Variants in SHISA9 observed in about 807,000 individuals in gnomAD.
SHISA9 encodes protein shisa-9.
A neutral mutation model predicts 38.0 loss-of-function variants in SHISA9; 13 were observed. The observed-to-expected ratio is 0.34, with a 90% CI of 0.22 to 0.54. The LOEUF is 0.54. Ranked by LOEUF, SHISA9 falls within the 20% of genes least tolerant of loss-of-function variation. SHISA9 has a pLI of 0.91. For missense variants in SHISA9, 538 were observed against 575.8 expected (o/e 0.93, Z 0.67); for synonymous variants, 275 against 242.0 (o/e 1.14, Z -1.27).
the SHISA9 span, among the ~76,000 whole-genome samples, chr16:13,367,712 G>GCGCACACACACACACACACA: frequency 3.8e-5 from 4 of 104,640 alleles, no homozygotes; most frequent in South Asian, 4.0e-4. Flanking sequence ...GCGCGCGCGC[G>GCGCACACACACACACACACA]CACACACACA....
In SHISA9 at chr16:13,008,510, C is replaced by G. The variant is rs558800781; in HGVS notation, c.691+91695C>G. On this transcript the variant is annotated intron_variant, in intron 2 of 4. Coordinates refer to ENST00000558583, the MANE Select transcript of SHISA9 (RefSeq NM_001145204.3). ...GGGACCTGGTAGGAGGTGATTGGAT[C>G]ATGGGGACATTTTCCCCCATGCTGT... is the stretch of plus-strand genomic sequence containing the variant. 2.0e-5 allele frequency among the ~76,000 whole-genome samples: 3 copies of G among 152,268 alleles called. No individual in the cohort carries two copies. In the South Asian group the frequency reaches 6.2e-4, roughly 32 times the overall value.
the SHISA9 span, among the ~76,000 whole-genome samples, chr16:13,425,632 C>T: frequency 2.0e-5 from 3 of 152,198 alleles, no homozygotes; most frequent in Admixed American, 6.5e-5. Flanking sequence ...ATGCAATACA[C>T]TCGTGAAACA....
the SHISA9 span, among the ~76,000 whole-genome samples, chr16:13,434,073 C>A: frequency 1.3e-5 from 2 of 152,208 alleles, no homozygotes; most frequent in African/African-American, 4.8e-5. Context: ...ACAGTGCAGC[C>A]TTCAGTCTGT....
At chr16:13,194,300 C>A (rs1440776467) in intron 2 of SHISA9, among the ~76,000 whole-genome samples, 1 of 152,202 alleles carries the variant, frequency 6.6e-6, no homozygotes, top group Non-Finnish European at 1.5e-5. Context: ...TGTCTGGCTG[C>A]CAAATCATTT....
the SHISA9 span, among the ~76,000 whole-genome samples, chr16:13,478,205 T>A: frequency 6.6e-6 from 1 of 152,142 alleles, no homozygotes; most frequent in African/African-American, 2.4e-5. Flanking sequence ...TCAAAACACA[T>A]AAAAGAGATC....
the SHISA9 span, among the ~76,000 whole-genome samples, chr16:13,492,235 C>T: frequency 1.9e-4 from 29 of 152,140 alleles, no homozygotes; most frequent in African/African-American, 6.5e-4. Flanking sequence ...ATTCTGTGGG[C>T]GAGCACTGGG....
At chr16:12,956,014 A>G (rs1446080126) in intron 2 of SHISA9, among the ~76,000 whole-genome samples, 1 of 152,236 alleles carries the variant, frequency 6.6e-6, no homozygotes, top group African/African-American at 2.4e-5. Context: ...TGCCTCCGAC[A>G]AAAGAGTAAT....
At chr16:12,916,218 A>G (rs2071254724) in intron 1 of SHISA9, among the ~76,000 whole-genome samples, 1 of 151,956 alleles carries the variant, frequency 6.6e-6, no homozygotes, top group South Asian at 2.1e-4. Context: ...TAATCCTCAT[A>G]ATGTGTTTTG....
At chr16:13,227,873 G>C (rs1363126008) in intron 4 of SHISA9, among the ~76,000 whole-genome samples, 1 of 152,176 alleles carries the variant, frequency 6.6e-6, no homozygotes, top group African/African-American at 2.4e-5. Context: ...AAGGCAGCTT[G>C]GTTTGGATGA....
At chr16:12,943,328 TGTGAGAGAGAGAGAGAGAGAGA>T (rs2071645089) in intron 2 of SHISA9, among the ~76,000 whole-genome samples, 2 of 18,746 alleles carry the variant, frequency 1.1e-4, no homozygotes, top group Admixed American at 1.0e-3. Context: ...TGTGTGTGTG[TGTGAGAGAGAGAGAGAGAGAGA>T]GAGAGAGAGA....
At chr16:13,440,619 G>A in the SHISA9 span, among the ~76,000 whole-genome samples, 6 of 152,150 alleles carry the variant, frequency 3.9e-5, no homozygotes, top group Non-Finnish European at 8.8e-5. Context: ...AAACCTGTGT[G>A]TGCTTTGATT....
chr16:13,242,659 C>T (rs112006911), downstream of SHISA9, among the ~76,000 whole-genome samples: 11 of 152,306 alleles, frequency 7.2e-5, 1 homozygote, highest in African/African-American at 1.9e-4. Flanking sequence ...TGAAACTATC[C>T]TTTCCTGCAA....
chr16:13,511,631 C>T, the SHISA9 span, among the ~76,000 whole-genome samples: 3 of 152,082 alleles, frequency 2.0e-5, no homozygotes, highest in Non-Finnish European at 4.4e-5. Context: ...ATTGCCTCTA[C>T]TTATTACTGG....
At chr16:13,208,369 T>A (rs1182615889) in intron 3 of SHISA9, among the ~76,000 whole-genome samples, 1 of 152,110 alleles carries the variant, frequency 6.6e-6, no homozygotes, top group African/African-American at 2.4e-5. Context: ...TTGTATTTTA[T>A]TTTTGTTTGC....
At chr16:13,078,197 C>T (rs1376091802) in intron 2 of SHISA9, among the ~76,000 whole-genome samples, 13 of 152,134 alleles carry the variant, frequency 8.5e-5, no homozygotes, top group Non-Finnish European at 1.9e-4. Flanking sequence ...GGTTCCAGGA[C>T]CCCCCAAGGA....
At chr16:13,282,944 A>G in the SHISA9 span, among the ~76,000 whole-genome samples, 2 of 152,070 alleles carry the variant, frequency 1.3e-5, no homozygotes, top group Non-Finnish European at 2.9e-5. Flanking sequence ...ATGTATAATC[A>G]CTGTTTGAAA....
intron 2 of SHISA9, among the ~76,000 whole-genome samples, chr16:12,968,065 T>C (rs1434444689): frequency 6.6e-6 from 1 of 151,592 alleles, no homozygotes; most frequent in East Asian, 1.9e-4. Context: ...TGGCACATGC[T>C]TGTAATCCCA....
intron 2 of SHISA9, among the ~76,000 whole-genome samples, chr16:12,941,973 T>C (rs2071617872): frequency 6.6e-6 from 1 of 152,212 alleles, no homozygotes; most frequent in South Asian, 2.1e-4. Flanking sequence ...GGGGGCACAG[T>C]GGCGGGTTTT....
chr16:13,422,046 C>T, the SHISA9 span, among the ~76,000 whole-genome samples: 125 of 152,266 alleles, frequency 8.2e-4, no homozygotes, highest in African/African-American at 2.9e-3. Flanking sequence ...TGCATATACC[C>T]AATCACTACA....
Sources: allele counts gnomAD v4.1 joint callset (sites outside exome capture counted in the v4.1 genomes callset), GRCh38; gene constraint gnomAD v4.1.1; transcripts MANE v1.5; gene names NCBI Gene and HGNC (gene_info 2026-07-23, HGNC 2026-07-21).